Variants in TOR1AIP1 observed in about 807,000 individuals in gnomAD.
TOR1AIP1 encodes torsin-1A-interacting protein 1.
Under a neutral mutation model 63.3 loss-of-function variants are expected in TOR1AIP1, and 54 were observed. That is an observed-to-expected ratio of 0.85 (90% confidence interval 0.69 to 1.07). The LOEUF is 1.07. Ranked by LOEUF, TOR1AIP1 falls within the 50% of genes least tolerant of loss-of-function variation. The pLI is 0.00. For missense variants in TOR1AIP1, 736 were observed against 715.0 expected (o/e 1.03, Z -0.33); for synonymous variants, 294 against 273.5 (o/e 1.07, Z -0.74).
intron 7 of TOR1AIP1, 49 bp downstream of exon 7, chr1:179,907,913 C>CATT: frequency 1.1e-5 from 4 of 356,120 alleles, no homozygotes; most frequent in Non-Finnish European, 1.7e-5. Context: ...ATTCTTTTCT[C>CATT]TTTTTTTTTT....
At chr1:179,906,736 C>CG (rs1558044586) in intron 6 of TOR1AIP1, among the ~76,000 whole-genome samples, 10 of 135,850 alleles carry the variant, frequency 7.4e-5, no homozygotes, top group Non-Finnish European at 1.3e-4. Flanking sequence ...TTTGGTTCCC[C>CG]CCCCCCCTTT....
At chr1:179,890,464 T>C (rs1350585475) in intron 3 of TOR1AIP1, among the ~76,000 whole-genome samples, 1 of 152,232 alleles carries the variant, frequency 6.6e-6, no homozygotes, top group Non-Finnish European at 1.5e-5. Context: ...ACTAAGGTTT[T>C]GTTAATGAAC....
intron 3 of TOR1AIP1, among the ~76,000 whole-genome samples, chr1:179,899,826 G>A (rs1191731043): frequency 6.6e-6 from 1 of 152,106 alleles, no homozygotes; most frequent in African/African-American, 2.4e-5. Flanking sequence ...TGTATTTTTA[G>A]TGGAGACAGG....
In TOR1AIP1 at chr1:179,916,333, A is replaced by AC. The variant is rs537448856; in HGVS notation, c.965-1113dup. Reference sequence around the variant, plus strand: ...TAGAAGAATAGCTTTAACTTCATGGACCCCCCTCCCCACAAAATAGGGTCT... The same window carrying AC: ...TAGAAGAATAGCTTTAACTTCATGGACCCCCCCTCCCCACAAAATAGGGTCT... On this transcript the variant is annotated intron_variant, in intron 9 of 9. Transcript: ENST00000606911. Among the ~76,000 whole-genome samples the AC allele has an allele frequency of 1.3e-4, 20 of 151,736 alleles. No homozygotes were observed. The East Asian group carries it at 1.9e-3, about 15-fold the overall frequency.
intron 4 of TOR1AIP1, 96 bp from the exon 5 acceptor site, chr1:179,901,206 T>C: frequency 2.8e-6 from 2 of 711,632 alleles, no homozygotes; most frequent in Non-Finnish European, 4.4e-6. Flanking sequence ...CTTAAAAGGC[T>C]TCTTTTAATG....
chr1:179,887,064 C>T (rs943559590), intron 2 of TOR1AIP1, among the ~76,000 whole-genome samples: 9 of 152,096 alleles, frequency 5.9e-5, no homozygotes, highest in Admixed American at 3.9e-4. Context: ...TATAAGGCTA[C>T]CGGTGTGGTC....
At chr1:179,900,490 C>CTT in intron 4 of TOR1AIP1, 1 of 173,454 alleles carries the variant, frequency 5.8e-6, no homozygotes, top group East Asian at 1.5e-4. Context: ...AACTCCCGTG[C>CTT]TGATCAGTAG....
intron 1 of TOR1AIP1, chr1:179,884,103 C>G (rs918156555): frequency 1.8e-5 from 3 of 162,422 alleles, no homozygotes; most frequent in African/African-American, 7.2e-5. Context: ...GGTGTAGCAA[C>G]TGAAGACAGT....
chr1:179,914,658 G>A (rs542086081), intron 9 of TOR1AIP1, among the ~76,000 whole-genome samples: 1 of 152,180 alleles, frequency 6.6e-6, no homozygotes, highest in Non-Finnish European at 1.5e-5. Flanking sequence ...GCTGGGCGTG[G>A]TGGCACACGC....
intron 8 of TOR1AIP1, among the ~76,000 whole-genome samples, chr1:179,911,075 A>G (rs191009856): frequency 4.6e-5 from 7 of 152,340 alleles, no homozygotes; most frequent in Non-Finnish European, 8.8e-5. Context: ...CCTACCATAT[A>G]TAGATAACCA....
chr1:179,915,633 C>T (rs1201664070), intron 9 of TOR1AIP1, among the ~76,000 whole-genome samples: 1 of 152,160 alleles, frequency 6.6e-6, no homozygotes, highest in Non-Finnish European at 1.5e-5. Flanking sequence ...TGGCACGCAC[C>T]TGTAATCCCA....
At position 179,882,639 on chromosome 1, in the gene TOR1AIP1, G is replaced by A; in HGVS notation, c.137G>A (p.Arg46Lys). 2 of 1,569,390 alleles carry A rather than the reference G, an allele frequency of 1.3e-6. No individual in the cohort carries two copies. Among genetic ancestry groups the A allele is most frequent in the Non-Finnish European group, 1.7e-6 (2 of 1,158,570 alleles). Residue 46 changes from arginine (R) to lysine (K), a missense_variant, in exon 1 of 10, where the codon AGA (arginine) becomes AAA (lysine). Transcript: ENST00000606911. ...NGGSSDAPAY[R>K]TPPSRQGRRE... ...GGCAGCAGCGATGCGCCTGCGTACA[G>A]AACTCCTCCGTCGCGCCAGGGCCGG...
chr1:179,903,931 A>G (rs754255799), intron 5 of TOR1AIP1, 35 bp from the exon 6 acceptor site: 2 of 1,406,746 alleles, frequency 1.4e-6, no homozygotes, highest in Admixed American at 1.9e-5. Context: ...TAAAAGTTGG[A>G]TATTATTTAT....
intron 4 of TOR1AIP1, among the ~76,000 whole-genome samples, chr1:179,900,720 A>G (rs1471770187): frequency 2.0e-5 from 3 of 152,316 alleles, no homozygotes; most frequent in Admixed American, 1.3e-4. Context: ...TCTTTTGTCT[A>G]TTTGGGTTCA....
At chr1:179,911,813 A>G (rs1648841199) in intron 8 of TOR1AIP1, among the ~76,000 whole-genome samples, 1 of 152,098 alleles carries the variant, frequency 6.6e-6, no homozygotes, top group Non-Finnish European at 1.5e-5. Context: ...ACAATTTTTT[A>G]AAGTCTAAAA....
intron 6 of TOR1AIP1, among the ~76,000 whole-genome samples, chr1:179,906,688 A>G (rs1648642534): frequency 6.6e-6 from 1 of 151,032 alleles, no homozygotes; most frequent in Middle Eastern, 3.2e-3. Context: ...TCTCAGCCCA[A>G]CTACTTTTAG....
At chr1:179,914,658 G>T (rs542086081) in intron 9 of TOR1AIP1, among the ~76,000 whole-genome samples, 1 of 152,298 alleles carries the variant, frequency 6.6e-6, no homozygotes, top group East Asian at 1.9e-4. Flanking sequence ...GCTGGGCGTG[G>T]TGGCACACGC....
intron 3 of TOR1AIP1, among the ~76,000 whole-genome samples, chr1:179,894,021 T>C (rs1360904563): frequency 6.6e-6 from 1 of 151,922 alleles, no homozygotes; most frequent in Non-Finnish European, 1.5e-5. Context: ...CCCAGCACTT[T>C]GGGAGGCAGA....
chr1:179,885,205 C>T (rs1414760118), intron 2 of TOR1AIP1, among the ~76,000 whole-genome samples: 1 of 152,172 alleles, frequency 6.6e-6, no homozygotes, highest in African/African-American at 2.4e-5. Flanking sequence ...TCAGTCTTTT[C>T]AGTTTAATAC....
Sources: gnomAD v4.1 joint callset for allele counts (sites outside exome capture counted in the v4.1 genomes callset) on GRCh38, gnomAD v4.1.1 for gene constraint, MANE v1.5 for transcripts, NCBI Gene and HGNC (gene_info 2026-07-23, HGNC 2026-07-21) for gene names.